The following ZNF184 variants were observed in gnomAD, a reference collection of about 807,000 sequenced individuals.
ZNF184 encodes zinc finger protein 184.
A neutral mutation model predicts 54.4 loss-of-function variants in ZNF184; 16 were observed. That is an observed-to-expected ratio of 0.29 (90% confidence interval 0.20 to 0.45). The LOEUF is 0.45. Ranked by LOEUF, ZNF184 falls within the 20% of genes least tolerant of loss-of-function variation. ZNF184 has a pLI of 1.00. For missense variants in ZNF184, 681 were observed against 888.2 expected, an observed-to-expected ratio of 0.77 and a Z score of 2.97; for synonymous variants, 254 against 295.3, an observed-to-expected ratio of 0.86 and a Z score of 1.43.
At chr6:27,404,612 G>T in the ZNF184 span, 1 of 152,232 alleles carries the variant, frequency 6.6e-6, no homozygotes, top group Non-Finnish European at 1.5e-5. Flanking sequence ...GATCACATAA[G>T]ATTATAATGG....
the ZNF184 span, among the ~76,000 whole-genome samples, chr6:27,442,884 GAAAAAAAGAAAGAAAA>G: frequency 9.3e-6 from 1 of 107,910 alleles, no homozygotes; most frequent in Non-Finnish European, 2.1e-5. Context: ...GAAAGAAAAA[GAAAAAAAGAAAGAAAA>G]AAAAAAAGAA....
chr6:27,430,038 G>C, the ZNF184 span, among the ~76,000 whole-genome samples: 4 of 152,208 alleles, frequency 2.6e-5, no homozygotes, highest in African/African-American at 9.6e-5. Context: ...ATTGGGTGGA[G>C]AAGTGACTAG....
chr6:27,469,251 T>C (rs1763213814), intron 2 of ZNF184, among the ~76,000 whole-genome samples: 1 of 152,228 alleles, frequency 6.6e-6, no homozygotes, highest in Non-Finnish European at 1.5e-5. Flanking sequence ...TAGGCACACC[T>C]GTTTCCACAA....
At chr6:27,454,965 G>A (rs1762819656) in intron 5 of ZNF184, among the ~76,000 whole-genome samples, 1 of 152,180 alleles carries the variant, frequency 6.6e-6, no homozygotes. Flanking sequence ...ATGATCCTGA[G>A]GGTCAAGATC....
In ZNF184 at chr6:27,452,069, G is replaced by A. The variant is rs759048815; in HGVS notation, c.1490C>T (p.Thr497Met). Reference protein sequence around the residue: ...SSLTQHRRIHTREKPFECSEC... With the variant: ...SSLTQHRRIHMREKPFECSEC... ...ACTGCATTCAAAGGGCTTTTCTCTCGTGTGAATTCTCCGATGTTGAGTAAG... is the reference window on the plus strand; with the variant it reads ...ACTGCATTCAAAGGGCTTTTCTCTCATGTGAATTCTCCGATGTTGAGTAAG... Residue 497 changes from threonine (T) to methionine (M), a missense_variant, in exon 6 of 6, where the codon ACG (threonine) becomes ATG (methionine). By Grantham distance (81) the Thr-to-Met change is moderately conservative. Transcript: ENST00000683788. The surrounding 1 kb of genome is among the most constrained non-coding windows in gnomAD (Gnocchi z 5.5). 40 of 1,613,962 alleles carry A rather than the reference G, an allele frequency of 2.5e-5. No individual in the cohort carries two copies. Among genetic ancestry groups the A allele is most frequent in the Admixed American group, 3.3e-5 (2 of 60,002 alleles).
chr6:27,469,521 A>G (rs1763221573), intron 2 of ZNF184, among the ~76,000 whole-genome samples: 2 of 152,152 alleles, frequency 1.3e-5, no homozygotes, highest in Non-Finnish European at 2.9e-5. Flanking sequence ...TGTGCCTGTA[A>G]TCCCAGCTAC....
At chr6:27,468,345 C>G (rs1161150715) in intron 2 of ZNF184, among the ~76,000 whole-genome samples, 1 of 152,112 alleles carries the variant, frequency 6.6e-6, no homozygotes, top group Non-Finnish European at 1.5e-5. Flanking sequence ...CTCTACCCAC[C>G]CAACAGAATG....
At chr6:27,468,601 CA>C (rs1438345450) in intron 2 of ZNF184, among the ~76,000 whole-genome samples, 1 of 152,100 alleles carries the variant, frequency 6.6e-6, no homozygotes, top group Non-Finnish European at 1.5e-5. Flanking sequence ...CATAATATCT[CA>C]GAACTAGAAA....
chr6:27,450,079 G>C (rs1762683009), downstream of ZNF184, among the ~76,000 whole-genome samples: 1 of 152,108 alleles, frequency 6.6e-6, no homozygotes, highest in African/African-American at 2.4e-5. Flanking sequence ...ATGTTTTTGA[G>C]AAACACAAAA....
chr6:27,411,598 C>A, the ZNF184 span, among the ~76,000 whole-genome samples: 1 of 152,170 alleles, frequency 6.6e-6, no homozygotes, highest in Admixed American at 6.5e-5. Context: ...TAAGTAGAAC[C>A]AGAAACTTTG....
the ZNF184 span, among the ~76,000 whole-genome samples, chr6:27,423,631 A>G: frequency 9.8e-6 from 1 of 101,774 alleles, no homozygotes; most frequent in East Asian, 2.8e-4. Flanking sequence ...AAAGGGATGA[A>G]AAGCCAAAAA....
In ZNF184 at chr6:27,451,252, G is replaced by A; in HGVS notation, c.*51C>T. The A allele has an allele frequency of 5.9e-6, 9 of 1,521,504 alleles. No individual in the cohort carries two copies. The highest frequency in any genetic ancestry group is 7.9e-6 in the Non-Finnish European group (9 of 1,137,116). 94.3% of individuals were successfully genotyped at this position (1,521,504 alleles called of 1,614,324 possible). A position where few individuals can be genotyped will look rare whatever the true frequency, so the allele number is the denominator to read the frequency against. On this transcript the variant is annotated 3_prime_UTR_variant, in exon 6 of 6. Transcript: ENST00000683788. ...TCTGATTCTTCAGTACTTAACAAAA[G>A]GACAAACTAAAGTAAATATCTCCCC...
downstream of ZNF184, chr6:27,450,632 T>A (rs1323598811): frequency 6.6e-6 from 1 of 151,724 alleles, no homozygotes; most frequent in African/African-American, 2.4e-5. Flanking sequence ...ACAGCACAAA[T>A]TAAGACACCA....
chr6:27,462,318 C>T (rs1258307243), intron 3 of ZNF184, among the ~76,000 whole-genome samples: 1 of 151,818 alleles, frequency 6.6e-6, no homozygotes. Flanking sequence ...CTGCCTCAGC[C>T]TCCCGAGTAT....
the ZNF184 span, chr6:27,405,677 G>C: frequency 6.6e-6 from 1 of 152,312 alleles, no homozygotes; most frequent in Non-Finnish European, 1.5e-5. Flanking sequence ...CCAGTCTGGG[G>C]GGGTCATTGC....
At chr6:27,418,034 G>C in the ZNF184 span, among the ~76,000 whole-genome samples, 1 of 152,308 alleles carries the variant, frequency 6.6e-6, no homozygotes, top group Admixed American at 6.5e-5. Flanking sequence ...TGATGTTACA[G>C]AGTCTCTTGG....
In ZNF184 at chr6:27,472,008, A is replaced by T. The variant is rs191299717; in HGVS notation, c.7+280T>A. ...TTCTGACTTCAAGATTATAATTTTA[A>T]TATTTAATATTCAGAAGTCATGTGG... On this transcript the variant is annotated intron_variant, in intron 2 of 5. Transcript: ENST00000683788. The surrounding 1 kb of genome is among the most constrained non-coding windows in gnomAD (Gnocchi z 4.8). Among the ~76,000 whole-genome samples, 3 of 152,318 alleles carry T rather than the reference A, an allele frequency of 2.0e-5. No homozygotes were observed. The East Asian group carries it at 5.8e-4, about 29-fold the overall frequency.
the ZNF184 span, among the ~76,000 whole-genome samples, chr6:27,427,503 C>A: frequency 2.0e-5 from 3 of 152,170 alleles, no homozygotes; most frequent in African/African-American, 7.2e-5. Flanking sequence ...TTTGACTCTT[C>A]TGTTTCTTGA....
At chr6:27,457,245 C>T (rs368975277) in intron 4 of ZNF184, 38 bp downstream of exon 4, 2 of 1,604,104 alleles carry the variant, frequency 1.2e-6, no homozygotes, top group East Asian at 2.2e-5. Flanking sequence ...CCTCCTCCTG[C>T]ACACCCCTTG....
Sources: allele counts gnomAD v4.1 joint callset (sites outside exome capture counted in the v4.1 genomes callset), GRCh38; gene constraint gnomAD v4.1.1; non-coding constraint Gnocchi (gnomAD v3.1); transcripts MANE v1.5; gene names NCBI Gene and HGNC (gene_info 2026-07-23, HGNC 2026-07-21).